The following UACA variants were observed in gnomAD, a reference collection of about 807,000 sequenced individuals.
UACA encodes uveal autoantigen with coiled-coil domains and ankyrin repeats, also known as nuclear membrane binding protein.
In UACA, 112 loss-of-function variants were observed where a neutral mutation model predicts 160.5. The ratio of observed to expected loss-of-function variants is 0.70; its 90% CI spans 0.60 to 0.82. The LOEUF (loss-of-function observed/expected upper bound fraction) is 0.82. UACA is among the 40% of genes least tolerant of loss of function. The probability of loss-of-function intolerance (pLI) is 0.00; values close to 1 mark genes in which losing one functional copy is unlikely to be tolerated. For synonymous variants in UACA, 557 were observed against 568.4 expected, an observed-to-expected ratio of 0.98 and a Z score of 0.29; for missense variants, 1,574 against 1,614.6, an observed-to-expected ratio of 0.97 and a Z score of 0.43.
intron 1 of UACA, among the ~76,000 whole-genome samples, chr15:70,740,354 C>G (rs1899491055): frequency 6.6e-6 from 1 of 152,038 alleles, no homozygotes; most frequent in Non-Finnish European, 1.5e-5. Context: ...TGGCTCACAC[C>G]TGTAATCCCA....
chr15:70,688,700 T>C (rs1897819631), intron 5 of UACA, among the ~76,000 whole-genome samples: 1 of 152,102 alleles, frequency 6.6e-6, no homozygotes, highest in Non-Finnish European at 1.5e-5. Context: ...TAAAGCATAA[T>C]AAATTCCAGA....
At chr15:70,725,335 ATG>A (rs1899112710) in intron 1 of UACA, among the ~76,000 whole-genome samples, 1 of 152,196 alleles carries the variant, frequency 6.6e-6, no homozygotes, top group African/African-American at 2.4e-5. Context: ...TTGGTACTAT[ATG>A]TGCCCTCCCT....
chr15:70,752,859 A>G (rs2030175559), intron 1 of UACA, among the ~76,000 whole-genome samples: 1 of 152,214 alleles, frequency 6.6e-6, no homozygotes, highest in Non-Finnish European at 1.5e-5. Flanking sequence ...ACAAAGCAAA[A>G]TGACAGAAGG....
chr15:70,764,428 G>C (rs1014637953), upstream of UACA, among the ~76,000 whole-genome samples: 3 of 152,174 alleles, frequency 2.0e-5, no homozygotes, highest in Non-Finnish European at 4.4e-5. Context: ...ACAGGAAGGT[G>C]CTCAGCACCC....
chr15:70,669,243 A>G lies in UACA; in HGVS notation c.1441T>C (p.Cys481Arg). 6.2e-7 allele frequency: 1 copy of G among 1,614,018 alleles called. No homozygotes were observed. The highest frequency in any genetic ancestry group is 8.5e-7 in the Non-Finnish European group (1 of 1,179,992). Residue 481 changes from cysteine to arginine, a missense_variant, in exon 16 of 19, where the codon TGT (cysteine) becomes CGT (arginine). Coordinates refer to ENST00000322954, the MANE Select transcript of UACA (RefSeq NM_018003.4). ...TCTGAATCCTCCTTGACCCTTTCAC[A>G]TTCTAATGCTAAAGCTTTGCATTCT... ...VAECKALALE[C>R]ERVKEDSDEQ...
chr15:70,705,387 T>A (rs1212050963), intron 1 of UACA, among the ~76,000 whole-genome samples: 1 of 151,706 alleles, frequency 6.6e-6, no homozygotes, highest in African/African-American at 2.4e-5. Context: ...AAATACAAAA[T>A]TAGCCAGGCA....
chr15:70,662,495 G>T (rs1267299673), intron 17 of UACA, among the ~76,000 whole-genome samples: 1 of 152,100 alleles, frequency 6.6e-6, no homozygotes, highest in Non-Finnish European at 1.5e-5. Flanking sequence ...TTTCTTCACA[G>T]AATTGGAAAA....
chr15:70,777,171 A>C, the UACA span, among the ~76,000 whole-genome samples: 1 of 152,218 alleles, frequency 6.6e-6, no homozygotes, highest in Non-Finnish European at 1.5e-5. Context: ...TCAATTATGC[A>C]TCTGAGCGCC....
rs2140873810 is a variant in UACA, at chr15:70,656,946, A to G, written c.*110T>C. ...AAAACCTACCAATAGAACAAAATAT[A>G]TTTTATTTTAATTATACCAGCACAG... On this transcript the variant is annotated 3_prime_UTR_variant, in exon 19 of 19. Transcript: ENST00000322954. 1.4e-6 allele frequency: 1 copy of G among 728,036 alleles called. No homozygotes were observed. Among genetic ancestry groups the G allele is most frequent in the Non-Finnish European group, 2.2e-6 (1 of 461,948 alleles). The allele number at this position is 728,036 out of a possible 1,614,324, so 45.1% of individuals were successfully genotyped here. A position where few individuals can be genotyped will look rare whatever the true frequency, so the allele number is the denominator to read the frequency against.
chr15:70,744,301 T>C (rs1221394773), intron 1 of UACA, among the ~76,000 whole-genome samples: 1 of 150,304 alleles, frequency 6.7e-6, no homozygotes, highest in Non-Finnish European at 1.5e-5. Context: ...ATACAAACCT[T>C]AGGCTGTTGG....
At chr15:70,696,596 T>C (rs2059070864) in intron 2 of UACA, among the ~76,000 whole-genome samples, 1 of 152,140 alleles carries the variant, frequency 6.6e-6, no homozygotes, top group Non-Finnish European at 1.5e-5. Context: ...TAGAAAGCTG[T>C]TTCTGGTAAA....
In UACA at chr15:70,667,859, A is replaced by C; in HGVS notation, c.2825T>G (p.Val942Gly). The C allele has an allele frequency of 6.2e-7, 1 of 1,613,968 alleles. No individual in the cohort carries two copies. The highest frequency in any genetic ancestry group is 8.5e-7 in the Non-Finnish European group (1 of 1,179,978). Residue 942 changes from valine to glycine, a missense_variant, in exon 16 of 19, where the codon GTG (valine) becomes GGG (glycine). Val to Gly is a moderately radical substitution (Grantham distance 109). Transcript: ENST00000322954. Reference sequence around the variant, plus strand: ...CAAGATTTCAGCATTACTATCCTGCACCTTTCTCATGCTCTGACTTAGCGA... The same window carrying C: ...CAAGATTTCAGCATTACTATCCTGCCCCTTTCTCATGCTCTGACTTAGCGA... ...MSSLSQSMRK[V>G]QDSNAEILAN...
chr15:70,679,901 TAAC>T (rs1456995418), intron 9 of UACA: 3 of 243,218 alleles, frequency 1.2e-5, no homozygotes, highest in Non-Finnish European at 2.3e-5. Context: ...TACTAAATAA[TAAC>T]AAATTTTAAA....
At chr15:70,742,731 C>T (rs1182341099) in intron 1 of UACA, among the ~76,000 whole-genome samples, 1 of 152,160 alleles carries the variant, frequency 6.6e-6, no homozygotes, top group African/African-American at 2.4e-5. Flanking sequence ...TGACTATTAT[C>T]AGGTTGTACC....
chr15:70,740,437 G>A (rs1899493732), intron 1 of UACA, among the ~76,000 whole-genome samples: 1 of 120,082 alleles, frequency 8.3e-6, no homozygotes, highest in South Asian at 3.2e-4. Context: ...AACGAAATGA[G>A]GCCTTGTCTC....
chr15:70,702,034 A>C, intron 1 of UACA: 1 of 1,511,080 alleles, frequency 6.6e-7, no homozygotes, highest in Non-Finnish European at 8.8e-7. Flanking sequence ...AGTCCCTCAC[A>C]TGCTGTGCTA....
Position 70,683,841 on chromosome 15 carries a change from T to A in UACA, c.784+424A>T, listed in dbSNP as rs184901546. 1.7e-3 allele frequency among the ~76,000 whole-genome samples: 256 copies of A among 151,246 alleles called. 1 individual carries two copies. Among genetic ancestry groups the A allele is most frequent in the African/African-American group, 4.6e-3 (190 of 41,318 alleles). On this transcript the variant is annotated intron_variant, in intron 8 of 18. Transcript: ENST00000322954. ...CTTTTCTGTATGTTCCTGTTTTTTTTAAAAAAAACATAAAAAATCATGGCA... is the reference window on the plus strand; with the variant it reads ...CTTTTCTGTATGTTCCTGTTTTTTTAAAAAAAAACATAAAAAATCATGGCA...
At position 70,665,670 on chromosome 15, in the gene UACA, G is replaced by A. The variant is rs111851685; in HGVS notation, c.3961-856C>T. Among the ~76,000 whole-genome samples, 568 of 152,206 alleles carry A rather than the reference G, an allele frequency of 3.7e-3. 2 individuals carry two copies. The highest frequency in any genetic ancestry group is 0.013 in the African/African-American group (538 of 41,532). On this transcript the variant is annotated intron_variant, in intron 16 of 18. Coordinates refer to ENST00000322954, the MANE Select transcript of UACA (RefSeq NM_018003.4). ...GCACCCGCTCAATAAATGGCAACAA[G>A]TAGATATTAATAATTAACTCTTATA...
At chr15:70,679,402 C>CTAAATAAA (rs57970349) in intron 10 of UACA, among the ~76,000 whole-genome samples, 62,587 of 133,734 alleles carry the variant, frequency 0.47, 15,242 homozygotes, top group Admixed American at 0.53. Context: ...GACCCCATCT[C>CTAAATAAA]TAAATAAATA....
Sources: allele counts gnomAD v4.1 joint callset (sites outside exome capture counted in the v4.1 genomes callset), GRCh38; gene constraint gnomAD v4.1.1; transcripts MANE v1.5; gene names NCBI Gene and HGNC (gene_info 2026-07-23, HGNC 2026-07-21).